Variants in DOCK3 observed in about 807,000 individuals in gnomAD.
DOCK3 encodes the protein dedicator of cytokinesis 3.
In DOCK3, 60 loss-of-function variants were observed where a neutral mutation model predicts 265.6. The ratio of observed to expected loss-of-function variants is 0.23; its 90% CI spans 0.18 to 0.28. DOCK3 has a LOEUF of 0.28. DOCK3 is among the 10% of genes least tolerant of loss of function. DOCK3 has a pLI of 1.00. For synonymous variants in DOCK3, 881 were observed against 938.0 expected (o/e 0.94, Z 1.11); for missense variants, 1,981 against 2,594.3 (o/e 0.76, Z 5.14).
intron 1 of DOCK3, among the ~76,000 whole-genome samples, chr3:50,681,877 T>C (rs1447989760): frequency 6.6e-6 from 1 of 152,254 alleles, no homozygotes; most frequent in Non-Finnish European, 1.5e-5. Flanking sequence ...ATAGTACTGA[T>C]TTAGTACCAT....
intron 21 of DOCK3, among the ~76,000 whole-genome samples, chr3:51,238,728 T>A (rs927173632): frequency 1.3e-5 from 2 of 152,160 alleles, no homozygotes; most frequent in Non-Finnish European, 2.9e-5. Context: ...TCTGTTGCTG[T>A]GTTAGTTTGC....
chr3:51,355,164 C>T, intron 41 of DOCK3, 141 bp downstream of exon 41: 1 of 1,222,556 alleles, frequency 8.2e-7, no homozygotes, highest in Non-Finnish European at 1.1e-6. Context: ...GTCCTCATTG[C>T]TTAGCACACA....
intron 9 of DOCK3, among the ~76,000 whole-genome samples, chr3:51,124,676 CTTTA>C (rs1190021988): frequency 6.6e-6 from 1 of 152,110 alleles, no homozygotes; most frequent in Non-Finnish European, 1.5e-5. Flanking sequence ...TTTTCAAATG[CTTTA>C]TTTCTTTTTG....
At chr3:51,360,792 G>T (rs981539818) in intron 47 of DOCK3, among the ~76,000 whole-genome samples, 160 bp downstream of exon 47, 1 of 152,188 alleles carries the variant, frequency 6.6e-6, no homozygotes, top group African/African-American at 2.4e-5. Context: ...CCTGCATTCA[G>T]TCAGTCACTA....
At chr3:51,169,894 TA>T (rs1227309886) in intron 12 of DOCK3, among the ~76,000 whole-genome samples, 1 of 152,176 alleles carries the variant, frequency 6.6e-6, no homozygotes, top group East Asian at 1.9e-4. Flanking sequence ...TTCAGTGTGT[TA>T]TTGGATGTGG....
At chr3:51,131,329 A>G (rs1040391502) in intron 9 of DOCK3, among the ~76,000 whole-genome samples, 1 of 152,176 alleles carries the variant, frequency 6.6e-6, no homozygotes, top group Non-Finnish European at 1.5e-5. Flanking sequence ...GCCAGTGTCT[A>G]GTAGTACCCA....
chr3:50,689,209 C>A (rs1171392178), intron 1 of DOCK3, among the ~76,000 whole-genome samples: 1 of 152,186 alleles, frequency 6.6e-6, no homozygotes, highest in Non-Finnish European at 1.5e-5. Flanking sequence ...CAGCTGCTTC[C>A]CAGTACCAGC....
chr3:50,761,421 C>T (rs762736043), intron 1 of DOCK3, among the ~76,000 whole-genome samples: 34 of 152,098 alleles, frequency 2.2e-4, no homozygotes, highest in African/African-American at 3.4e-4. Context: ...AACACAATTT[C>T]GGAGATTCAG....
intron 5 of DOCK3, among the ~76,000 whole-genome samples, chr3:50,965,878 CATA>C (rs2077014456): frequency 6.6e-6 from 1 of 152,104 alleles, no homozygotes; most frequent in Admixed American, 6.5e-5. Context: ...ATACATGTTA[CATA>C]ATGATTATCA....
intron 49 of DOCK3, among the ~76,000 whole-genome samples, chr3:51,363,500 T>A (rs1576944136): frequency 6.6e-6 from 1 of 152,260 alleles, no homozygotes; most frequent in Non-Finnish European, 1.5e-5. Context: ...TTATTTATTT[T>A]ATTATACTTT....
At chr3:51,251,545 T>C (rs560548156) in intron 22 of DOCK3, among the ~76,000 whole-genome samples, 1 of 152,242 alleles carries the variant, frequency 6.6e-6, no homozygotes, top group Non-Finnish European at 1.5e-5. Context: ...GTTTCCTGAC[T>C]TTTTAATGAT....
chr3:51,248,677 C>T (rs2078964364), intron 22 of DOCK3, among the ~76,000 whole-genome samples: 1 of 151,918 alleles, frequency 6.6e-6, no homozygotes, highest in African/African-American at 2.4e-5. Context: ...TGAGGAGCCC[C>T]TCTGCCTGGC....
chr3:51,218,685 G>A (rs2089928017), intron 14 of DOCK3, among the ~76,000 whole-genome samples: 1 of 152,204 alleles, frequency 6.6e-6, no homozygotes, highest in Admixed American at 6.5e-5. Context: ...GGTGATATGA[G>A]CCAAATTACA....
chr3:50,935,094 A>G (rs1323953966), intron 5 of DOCK3, among the ~76,000 whole-genome samples: 1 of 152,136 alleles, frequency 6.6e-6, no homozygotes, highest in African/African-American at 2.4e-5. Flanking sequence ...CTAGAGAGGC[A>G]CACAACTTGG....
chr3:50,849,660 A>G (rs1294936444), intron 3 of DOCK3, among the ~76,000 whole-genome samples: 2 of 152,222 alleles, frequency 1.3e-5, no homozygotes, highest in African/African-American at 2.4e-5. Flanking sequence ...AAGAATAGCA[A>G]TGAAGACTAG....
intron 22 of DOCK3, among the ~76,000 whole-genome samples, chr3:51,249,234 G>T (rs1406286622): frequency 7.5e-6 from 1 of 132,596 alleles, no homozygotes; most frequent in Non-Finnish European, 1.6e-5. Flanking sequence ...CAGCCGCCCT[G>T]TCCGGGAGGT....
intron 12 of DOCK3, among the ~76,000 whole-genome samples, chr3:51,201,348 A>G (rs1318766473): frequency 2.0e-5 from 3 of 151,990 alleles, no homozygotes; most frequent in Non-Finnish European, 4.4e-5. Context: ...AGCAAATGGA[A>G]AACAAAAAAA....
At chr3:50,866,887 TC>T (rs1413584404) in intron 3 of DOCK3, among the ~76,000 whole-genome samples, 1 of 152,200 alleles carries the variant, frequency 6.6e-6, no homozygotes, top group Non-Finnish European at 1.5e-5. Flanking sequence ...TTGTTCTTTT[TC>T]TTAGGGTAGC....
intron 51 of DOCK3, chr3:51,379,652 TG>T: frequency 1.0e-6 from 1 of 983,100 alleles, no homozygotes; most frequent in South Asian, 4.7e-5. Flanking sequence ...CCATCTAAGC[TG>T]AGAAGATGGG....
Sources: gnomAD v4.1 joint callset for allele counts (sites outside exome capture counted in the v4.1 genomes callset) on GRCh38, gnomAD v4.1.1 for gene constraint, MANE v1.5 for transcripts, NCBI Gene and HGNC (gene_info 2026-07-23, HGNC 2026-07-21) for gene names.